Variants in MTUS2 observed in about 807,000 individuals in gnomAD.
MTUS2 encodes the protein microtubule associated scaffold protein 2.
Under a neutral mutation model 114.1 loss-of-function variants are expected in MTUS2, and 40 were observed. The observed-to-expected ratio is 0.35, with a 90% CI of 0.27 to 0.46. MTUS2 has a LOEUF of 0.46. MTUS2 is among the 20% of genes least tolerant of loss of function. The pLI is 1.00. For missense variants in MTUS2, 1,679 were observed against 1,705.4 expected (o/e 0.98, Z 0.27); for synonymous variants, 688 against 672.0 (o/e 1.02, Z -0.37).
intron 2 of MTUS2, among the ~76,000 whole-genome samples, chr13:28,866,988 C>T (rs1187132200): frequency 6.6e-6 from 1 of 152,198 alleles, no homozygotes; most frequent in East Asian, 1.9e-4. Context: ...CTTGCTACCT[C>T]AAGTAACTGT....
chr13:28,963,761 C>A (rs1445335039), intron 2 of MTUS2, among the ~76,000 whole-genome samples: 1 of 152,196 alleles, frequency 6.6e-6, no homozygotes, highest in Non-Finnish European at 1.5e-5. Context: ...TCCATGGAGA[C>A]TGCTCTTGTC....
intron 8 of MTUS2, among the ~76,000 whole-genome samples, chr13:29,368,096 A>G (rs1349914736): frequency 2.6e-5 from 4 of 151,674 alleles, no homozygotes; most frequent in Non-Finnish European, 5.9e-5. Flanking sequence ...CTGCCACCGC[A>G]CCCGGCTAAT....
rs1035012258 is a variant in MTUS2, at chr13:29,301,802, A to G, written c.2806+19937A>G. Among the ~76,000 whole-genome samples, 2 of 152,222 alleles carry G rather than the reference A, an allele frequency of 1.3e-5. 1 individual carries two copies. The highest frequency in any genetic ancestry group is 4.8e-5 in the African/African-American group (2 of 41,454). On this transcript the variant is annotated intron_variant, in intron 6 of 15. Coordinates refer to ENST00000612955, the MANE Select transcript of MTUS2 (RefSeq NM_001033602.4). The stretch of plus-strand genomic sequence containing the variant: ...AAATACCATCAACTGGGTGGCTTAT[A>G]AACAATAAACATTTATTTCTAATAA...
chr13:29,448,828 A>G (rs534177402), intron 9 of MTUS2, among the ~76,000 whole-genome samples: 1 of 138,228 alleles, frequency 7.2e-6, no homozygotes, highest in South Asian at 2.3e-4. Context: ...ACCTCGGCTC[A>G]CTGCCACCTC....
intron 5 of MTUS2, among the ~76,000 whole-genome samples, chr13:29,115,158 G>A (rs1390541034): frequency 6.6e-6 from 1 of 152,184 alleles, no homozygotes; most frequent in Admixed American, 6.5e-5. Flanking sequence ...GATTAAGAAT[G>A]TCTAGATCCC....
intron 2 of MTUS2, among the ~76,000 whole-genome samples, chr13:28,993,046 T>C (rs953113019): frequency 5.3e-5 from 8 of 152,250 alleles, no homozygotes; most frequent in African/African-American, 1.9e-4. Context: ...CAAGGTTCCA[T>C]GTTGCAGGAT....
intron 2 of MTUS2, among the ~76,000 whole-genome samples, chr13:28,944,251 T>C (rs1278679245): frequency 2.6e-5 from 4 of 152,206 alleles, no homozygotes; most frequent in Non-Finnish European, 4.4e-5. Context: ...TTTCTAGCTA[T>C]TCTGAAAGTA....
intron 4 of MTUS2, among the ~76,000 whole-genome samples, chr13:29,041,809 T>G (rs369388223): frequency 2.2e-4 from 33 of 152,338 alleles, no homozygotes; most frequent in African/African-American, 7.7e-4. Context: ...CTGTGTATAT[T>G]GATTTTGTAT....
intron 2 of MTUS2, among the ~76,000 whole-genome samples, chr13:28,937,810 G>A (rs1036018481): frequency 2.0e-5 from 3 of 152,184 alleles, no homozygotes; most frequent in African/African-American, 7.2e-5. Context: ...GGCTCCTGTG[G>A]CTGGTGGGGC....
chr13:29,012,489 C>T (rs1048822369), intron 2 of MTUS2, among the ~76,000 whole-genome samples: 2 of 151,920 alleles, frequency 1.3e-5, no homozygotes, highest in Non-Finnish European at 2.9e-5. Flanking sequence ...TCATATAAGG[C>T]GTTTGTGGTT....
rs59451142 is a variant in MTUS2 at position 29,468,585 on chromosome 13, TAC to T, written c.3185-11539_3185-11538del. On this transcript the variant is annotated intron_variant, in intron 9 of 15. Transcript: ENST00000612955. ...GACAGGGTGAGACCCTGTCTCAAAA[TAC>T]ACACACACACACACACACACACACA... is the stretch of plus-strand genomic sequence containing the variant. Among the ~76,000 whole-genome samples the T allele has an allele frequency of 1.2e-3, 176 of 146,304 alleles. 1 individual carries two copies. The South Asian group carries it at 0.017, about 14-fold the overall frequency.
intron 5 of MTUS2, among the ~76,000 whole-genome samples, chr13:29,253,810 T>TA (rs763723378): frequency 8.6e-5 from 13 of 151,328 alleles, no homozygotes; most frequent in Non-Finnish European, 1.5e-4. Flanking sequence ...AGTCACATCT[T>TA]ACGTGGATGG....
chr13:29,246,754 G>A (rs867208877), intron 5 of MTUS2, among the ~76,000 whole-genome samples: 20 of 152,026 alleles, frequency 1.3e-4, no homozygotes, highest in South Asian at 4.1e-4. Context: ...AAGAAATAAC[G>A]GACAACACAA....
intron 2 of MTUS2, among the ~76,000 whole-genome samples, chr13:28,957,569 T>G (rs1212534739): frequency 6.6e-6 from 1 of 152,218 alleles, no homozygotes; most frequent in Non-Finnish European, 1.5e-5. Context: ...TTGTGTTGGG[T>G]ATTACTAGTA....
intron 8 of MTUS2, among the ~76,000 whole-genome samples, chr13:29,422,650 T>C (rs1876204819): frequency 7.6e-5 from 2 of 26,320 alleles, no homozygotes; most frequent in Non-Finnish European, 2.0e-4. Flanking sequence ...TTTCTTTTCT[T>C]TTTTTTTTTT....
At chr13:29,001,860 C>G (rs1000602645) in intron 2 of MTUS2, among the ~76,000 whole-genome samples, 4 of 152,078 alleles carry the variant, frequency 2.6e-5, no homozygotes, top group Admixed American at 6.5e-5. Context: ...ATGTGATGAT[C>G]AAAACAGAAG....
intron 5 of MTUS2, chr13:29,239,989 T>G (rs1593208031): frequency 6.6e-6 from 1 of 152,114 alleles, no homozygotes; most frequent in South Asian, 2.1e-4. Context: ...CAGAAACTGA[T>G]AAGCTCAATT....
At chr13:29,307,227 C>T (rs1566121163) in intron 6 of MTUS2, 1 of 598,612 alleles carries the variant, frequency 1.7e-6, no homozygotes, top group Non-Finnish European at 3.1e-6. Context: ...TCAGCAATGC[C>T]TCCTGCACCA....
At chr13:29,189,291 A>C (rs1894351061) in intron 5 of MTUS2, among the ~76,000 whole-genome samples, 1 of 152,254 alleles carries the variant, frequency 6.6e-6, no homozygotes, top group African/African-American at 2.4e-5. Context: ...TTCAGGGGAT[A>C]GAAAACCAAA....
Sources: allele counts gnomAD v4.1 joint callset (sites outside exome capture counted in the v4.1 genomes callset), GRCh38; gene constraint gnomAD v4.1.1; transcripts MANE v1.5; gene names NCBI Gene and HGNC (gene_info 2026-07-23, HGNC 2026-07-21).